PHACTR3: variants seen among roughly 807,000 people sequenced by gnomAD.
PHACTR3 encodes protein phosphatase 1, regulatory subunit 123.
A neutral mutation model predicts 66.8 loss-of-function variants in PHACTR3; 16 were observed. The observed-to-expected ratio is 0.24, with a 90% CI of 0.16 to 0.36. PHACTR3 has a LOEUF of 0.36. PHACTR3 is among the 10% of genes least tolerant of loss of function. The probability of loss-of-function intolerance (pLI) is 1.00; values close to 1 mark genes in which losing one functional copy is unlikely to be tolerated. For missense variants in PHACTR3, 647 were observed against 719.9 expected, an observed-to-expected ratio of 0.90 and a Z score of 1.16; for synonymous variants, 323 against 292.1, an observed-to-expected ratio of 1.11 and a Z score of -1.08.
intron 9 of PHACTR3, among the ~76,000 whole-genome samples, chr20:59,837,916 C>T (rs1459495436): frequency 6.6e-6 from 1 of 152,172 alleles, no homozygotes; most frequent in East Asian, 1.9e-4. Flanking sequence ...TCGTGGGCAA[C>T]CAGGTCTTCC....
chr20:59,751,995 A>G (rs2039609517), intron 3 of PHACTR3, among the ~76,000 whole-genome samples: 1 of 152,110 alleles, frequency 6.6e-6, no homozygotes, highest in African/African-American at 2.4e-5. Context: ...GTATGCGTTG[A>G]CTTGGCATTT....
At chr20:59,630,699 G>C (rs1368163582) in intron 1 of PHACTR3, among the ~76,000 whole-genome samples, 1 of 152,190 alleles carries the variant, frequency 6.6e-6, no homozygotes, top group Admixed American at 6.5e-5. Flanking sequence ...GGGGTGGGCG[G>C]TTACCTGGCA....
intron 4 of PHACTR3, among the ~76,000 whole-genome samples, chr20:59,758,859 G>A (rs888174187): frequency 5.3e-5 from 8 of 152,140 alleles, no homozygotes; most frequent in African/African-American, 1.2e-4. Context: ...GTAAAATGAG[G>A]ATAGTAGTCA....
At chr20:59,821,236 G>A (rs1056696036) in intron 8 of PHACTR3, among the ~76,000 whole-genome samples, 35 of 152,280 alleles carry the variant, frequency 2.3e-4, no homozygotes, top group Admixed American at 1.6e-3. Context: ...CAGGTGGGCC[G>A]ACTCCAGACC....
chr20:59,793,366 C>G (rs767562024), intron 7 of PHACTR3, among the ~76,000 whole-genome samples: 1 of 152,172 alleles, frequency 6.6e-6, no homozygotes, highest in African/African-American at 2.4e-5. Flanking sequence ...ATCTGTGTAT[C>G]ACTTTGGATA....
chr20:59,646,460 C>A (rs1333821634), intron 1 of PHACTR3, among the ~76,000 whole-genome samples: 1 of 151,954 alleles, frequency 6.6e-6, no homozygotes, highest in Non-Finnish European at 1.5e-5. Context: ...TCAGTTTTTC[C>A]CTGTCAAAAG....
intron 1 of PHACTR3, among the ~76,000 whole-genome samples, chr20:59,742,300 C>T (rs578245940): frequency 3.3e-5 from 5 of 152,344 alleles, no homozygotes; most frequent in African/African-American, 1.2e-4. Flanking sequence ...ACCCAGTCCC[C>T]CTGTGGACGG....
intron 8 of PHACTR3, among the ~76,000 whole-genome samples, 155 bp downstream of exon 8, chr20:59,806,349 G>A (rs529379968): frequency 3.3e-5 from 5 of 152,324 alleles, no homozygotes; most frequent in Admixed American, 2.0e-4. Context: ...GTTTGGGGCC[G>A]TGTGGAGGCC....
intron 1 of PHACTR3, among the ~76,000 whole-genome samples, chr20:59,718,151 C>A (rs1332484798): frequency 6.6e-6 from 1 of 152,210 alleles, no homozygotes; most frequent in Non-Finnish European, 1.5e-5. Context: ...ATGGCTCCCC[C>A]AGGCCTGAGT....
At chr20:59,700,061 A>G (rs560015493) in intron 1 of PHACTR3, among the ~76,000 whole-genome samples, 1 of 152,284 alleles carries the variant, frequency 6.6e-6, no homozygotes, top group African/African-American at 2.4e-5. Context: ...CACTGTTACA[A>G]GTTTCTTTTT....
At chr20:59,585,288 T>C (rs2032990332) in intron 1 of PHACTR3, among the ~76,000 whole-genome samples, 1 of 152,096 alleles carries the variant, frequency 6.6e-6, no homozygotes, top group South Asian at 2.1e-4. Context: ...GAAGAACATA[T>C]GAGGTTGGAG....
intron 1 of PHACTR3, among the ~76,000 whole-genome samples, chr20:59,647,710 C>A (rs1417443706): frequency 6.6e-6 from 1 of 152,134 alleles, no homozygotes; most frequent in African/African-American, 2.4e-5. Context: ...ACACACACAC[C>A]CTGTACAAAC....
rs529850534 is a variant in PHACTR3, at chr20:59,745,227, G to A, written c.280+1959G>A. ...AAAGGCAGCGAGCTGGGGAAGGCAC[G>A]TCTGTGCAGCAGTGAAAGGCCGGGG... On this transcript the variant is annotated intron_variant, in intron 2 of 12. Coordinates refer to ENST00000371015, the MANE Select transcript of PHACTR3 (RefSeq NM_080672.5). Among the ~76,000 whole-genome samples the A allele has an allele frequency of 1.1e-4, 16 of 152,350 alleles. No homozygotes were observed. The South Asian group carries it at 1.9e-3, about 18-fold the overall frequency.
intron 1 of PHACTR3, among the ~76,000 whole-genome samples, chr20:59,737,145 G>C (rs146395538): frequency 6.6e-6 from 1 of 152,236 alleles, no homozygotes; most frequent in Non-Finnish European, 1.5e-5. Flanking sequence ...GTTTCCTCCT[G>C]TCTTGGACAG....
chr20:59,791,107 T>G (rs1034226753), intron 7 of PHACTR3, among the ~76,000 whole-genome samples: 2 of 152,166 alleles, frequency 1.3e-5, no homozygotes, highest in African/African-American at 4.8e-5. Context: ...AAACTCATGT[T>G]GAAATTTAAT....
chr20:59,730,069 G>A (rs2038709404), intron 1 of PHACTR3, among the ~76,000 whole-genome samples: 1 of 152,170 alleles, frequency 6.6e-6, no homozygotes, highest in Admixed American at 6.5e-5. Flanking sequence ...TACTTGTTGA[G>A]CCCTGGCTAG....
chr20:59,596,912 T>G (rs1016574537), intron 1 of PHACTR3, among the ~76,000 whole-genome samples: 1 of 152,266 alleles, frequency 6.6e-6, no homozygotes, highest in Non-Finnish European at 1.5e-5. Context: ...CATACACTAC[T>G]ACCTCTCCAT....
intron 1 of PHACTR3, among the ~76,000 whole-genome samples, chr20:59,616,368 A>G (rs746913255): frequency 4.6e-5 from 7 of 152,176 alleles, no homozygotes; most frequent in Non-Finnish European, 1.0e-4. Context: ...AGGCTCCCAG[A>G]TGCCCTTGTC....
intron 1 of PHACTR3, among the ~76,000 whole-genome samples, chr20:59,720,038 C>T (rs1403130445): frequency 6.6e-6 from 1 of 152,186 alleles, no homozygotes; most frequent in Admixed American, 6.5e-5. Flanking sequence ...TCCTGCCCTT[C>T]CAGCTCTCTC....
Sources: allele counts gnomAD v4.1 joint callset (sites outside exome capture counted in the v4.1 genomes callset), GRCh38; gene constraint gnomAD v4.1.1; transcripts MANE v1.5; gene names NCBI Gene and HGNC (gene_info 2026-07-23, HGNC 2026-07-21).